TTC28: variants seen among roughly 807,000 people sequenced by gnomAD.
The protein encoded by TTC28 is tetratricopeptide repeat protein 28.
Under a neutral mutation model 198.0 loss-of-function variants are expected in TTC28, and 61 were observed. That is an observed-to-expected ratio of 0.31 (90% CI 0.25 to 0.38). The LOEUF is 0.38. TTC28 is among the 10% of genes least tolerant of loss of function. The probability of loss-of-function intolerance (pLI) is 1.00; values close to 1 mark genes in which losing one functional copy is unlikely to be tolerated. For missense variants in TTC28, 2,678 were observed against 3,164.0 expected, an observed-to-expected ratio of 0.85 and a Z score of 3.69; for synonymous variants, 1,171 against 1,297.8, an observed-to-expected ratio of 0.90 and a Z score of 2.10.
Position 28,613,878 on chromosome 22 carries a change from C to T in TTC28, c.381+15674G>A, listed in dbSNP as rs374316597. On this transcript the variant is annotated intron_variant, in intron 2 of 22. Transcript: ENST00000397906. Reference sequence around the variant, plus strand: ...AACTGGAAGCATTCCCTTTGAAAACCGGCACAAGACAAGGATGCCCTTTCT... The same window carrying T: ...AACTGGAAGCATTCCCTTTGAAAACTGGCACAAGACAAGGATGCCCTTTCT... 5.3e-4 allele frequency among the ~76,000 whole-genome samples: 81 copies of T among 152,180 alleles called. No homozygotes were observed. The South Asian group carries it at 8.7e-3, about 16-fold the overall frequency.
At chr22:28,390,602 C>G (rs1403996935) in intron 2 of TTC28, among the ~76,000 whole-genome samples, 1 of 152,092 alleles carries the variant, frequency 6.6e-6, no homozygotes, top group Non-Finnish European at 1.5e-5. Flanking sequence ...ATGTAATGGC[C>G]TTCTTTGTCT....
chr22:28,303,114 C>A (rs1340197801), intron 3 of TTC28, among the ~76,000 whole-genome samples: 1 of 152,060 alleles, frequency 6.6e-6, no homozygotes, highest in Non-Finnish European at 1.5e-5. Flanking sequence ...GGAAGAGAGA[C>A]AATATACACA....
chr22:28,097,736 C>T (rs547301390), intron 10 of TTC28, among the ~76,000 whole-genome samples: 9 of 152,278 alleles, frequency 5.9e-5, no homozygotes, highest in African/African-American at 2.2e-4. Flanking sequence ...TCAAGGATGC[C>T]TTGCTTCCTG....
chr22:28,148,305 G>A (rs184579320), intron 6 of TTC28, among the ~76,000 whole-genome samples: 1 of 152,200 alleles, frequency 6.6e-6, no homozygotes, highest in Non-Finnish European at 1.5e-5. Flanking sequence ...TCTGGTTCAC[G>A]TAAAAGGCTT....
rs184505677 is a variant in TTC28, at chr22:28,552,105, T to C, written c.381+77447A>G. ...AATAGCAACTAAGCTGAGAATCAAA[T>C]CAAAAACTCAACCCCCTTCACGATA... On this transcript the variant is annotated intron_variant, in intron 2 of 22. Coordinates refer to ENST00000397906, the MANE Select transcript of TTC28 (RefSeq NM_001145418.2). Among the ~76,000 whole-genome samples, 728 of 152,006 alleles carry C rather than the reference T, an allele frequency of 4.8e-3. 3 individuals are homozygous for C. Among genetic ancestry groups the C allele is most frequent in the Non-Finnish European group, 6.4e-3 (437 of 67,952 alleles).
At chr22:28,289,480 A>C (rs1411477944) in intron 5 of TTC28, among the ~76,000 whole-genome samples, 1 of 152,194 alleles carries the variant, frequency 6.6e-6, no homozygotes, top group Non-Finnish European at 1.5e-5. Flanking sequence ...TAGTCAGAAT[A>C]AAAAAATCCT....
chr22:28,600,336 T>C (rs2050619204), intron 2 of TTC28, among the ~76,000 whole-genome samples: 1 of 151,912 alleles, frequency 6.6e-6, no homozygotes, highest in Non-Finnish European at 1.5e-5. Context: ...GCCCAGGAGG[T>C]TGAGGCTGCA....
At chr22:28,415,992 GA>G (rs1315166207) in intron 2 of TTC28, among the ~76,000 whole-genome samples, 2 of 152,154 alleles carry the variant, frequency 1.3e-5, no homozygotes, top group African/African-American at 4.8e-5. Context: ...AAAAGGCATT[GA>G]ACTTTCAGAA....
chr22:28,249,936 G>C (rs574102528), intron 5 of TTC28, among the ~76,000 whole-genome samples: 16 of 152,102 alleles, frequency 1.1e-4, no homozygotes, highest in Non-Finnish European at 2.4e-4. Context: ...CTTCTTTGAG[G>C]ATTTCACTCC....
At chr22:28,461,674 C>A (rs1375684831) in intron 2 of TTC28, among the ~76,000 whole-genome samples, 1 of 152,136 alleles carries the variant, frequency 6.6e-6, no homozygotes, top group Non-Finnish European at 1.5e-5. Context: ...AGTAATCTGC[C>A]CACCTTGGCC....
chr22:28,519,483 G>C (rs2048856872), intron 2 of TTC28, among the ~76,000 whole-genome samples: 1 of 152,182 alleles, frequency 6.6e-6, no homozygotes, highest in African/African-American at 2.4e-5. Flanking sequence ...GCTGAAATCA[G>C]TTGAAACCAA....
chr22:28,583,508 G>A (rs2050261980), intron 2 of TTC28, among the ~76,000 whole-genome samples: 1 of 152,112 alleles, frequency 6.6e-6, no homozygotes, highest in Admixed American at 6.6e-5. Flanking sequence ...AAACAACACA[G>A]TTTTATGGAA....
chr22:28,409,234 ATAT>A (rs1365557235), intron 2 of TTC28, among the ~76,000 whole-genome samples: 2 of 152,234 alleles, frequency 1.3e-5, no homozygotes, highest in Admixed American at 6.5e-5. Flanking sequence ...TTACTGACTC[ATAT>A]TATTAAAGAG....
intron 12 of TTC28, among the ~76,000 whole-genome samples, chr22:28,038,214 A>T (rs1158111265): frequency 6.6e-6 from 1 of 152,212 alleles, no homozygotes; most frequent in African/African-American, 2.4e-5. Flanking sequence ...TTGGCAAGTC[A>T]ATCCTAAGCC....
At chr22:28,010,197 T>C (rs897112805) in intron 14 of TTC28, among the ~76,000 whole-genome samples, 2 of 152,186 alleles carry the variant, frequency 1.3e-5, no homozygotes, top group Non-Finnish European at 2.9e-5. Flanking sequence ...ATGTCATTTT[T>C]TGAAATGCTG....
intron 6 of TTC28, among the ~76,000 whole-genome samples, chr22:28,127,401 G>A (rs1942944898): frequency 6.6e-6 from 1 of 152,142 alleles, no homozygotes; most frequent in African/African-American, 2.4e-5. Flanking sequence ...TGTAATGGTA[G>A]CAACAACCAA....
At chr22:28,371,501 C>A (rs2046331108) in intron 2 of TTC28, among the ~76,000 whole-genome samples, 1 of 3,322 alleles carries the variant, frequency 3.0e-4, no homozygotes, top group African/African-American at 6.3e-4. Flanking sequence ...CAGAGTGAGA[C>A]CCTGTCTCAA....
intron 2 of TTC28, among the ~76,000 whole-genome samples, chr22:28,541,041 T>G (rs1363727765): frequency 6.6e-6 from 1 of 152,130 alleles, no homozygotes; most frequent in Non-Finnish European, 1.5e-5. Flanking sequence ...GTATTAAAAA[T>G]TATACTTGAT....
chr22:28,068,371 T>C (rs1940840813), intron 12 of TTC28, among the ~76,000 whole-genome samples: 1 of 152,196 alleles, frequency 6.6e-6, no homozygotes, highest in Non-Finnish European at 1.5e-5. Context: ...CTCAAAGGAC[T>C]ACCGTAAGAA....
Sources: gnomAD v4.1 joint callset for allele counts (sites outside exome capture counted in the v4.1 genomes callset) on GRCh38, gnomAD v4.1.1 for gene constraint, MANE v1.5 for transcripts, NCBI Gene and HGNC (gene_info 2026-07-23, HGNC 2026-07-21) for gene names.